HIP1: variants seen among roughly 807,000 people sequenced by gnomAD.
HIP1 encodes the protein huntingtin interacting protein 1.
In HIP1, 65 loss-of-function variants were observed where a neutral mutation model predicts 147.6. The ratio of observed to expected loss-of-function variants is 0.44; its 90% confidence interval spans 0.36 to 0.54. The LOEUF (loss-of-function observed/expected upper bound fraction) is 0.54. Among genes scored for constraint, HIP1 ranks in the 20% least tolerant of loss-of-function variants. HIP1 has a pLI of 0.00. For synonymous variants in HIP1, 479 were observed against 504.0 expected (o/e 0.95, Z 0.67); for missense variants, 1,061 against 1,299.6 (o/e 0.82, Z 2.82).
intron 8 of HIP1, among the ~76,000 whole-genome samples, chr7:75,570,690 T>G (rs1289211911): frequency 2.6e-5 from 4 of 151,882 alleles, no homozygotes; most frequent in Admixed American, 6.6e-5. Flanking sequence ...TCTGTAGATC[T>G]AAAACAAAAA....
intron 1 of HIP1, among the ~76,000 whole-genome samples, chr7:75,614,971 C>A (rs1415014194): frequency 6.6e-6 from 1 of 152,042 alleles, no homozygotes; most frequent in Non-Finnish European, 1.5e-5. Flanking sequence ...CGGGGTTTCA[C>A]CATGTTGGCC....
chr7:75,543,125 C>A, intron 27 of HIP1, 151 bp from the exon 28 acceptor site: 2 of 694,438 alleles, frequency 2.9e-6, no homozygotes, highest in East Asian at 6.0e-5. Flanking sequence ...TAGTCAGCTC[C>A]TGACATATCT....
chr7:75,587,028 C>T (rs1171813200), intron 4 of HIP1, among the ~76,000 whole-genome samples, 195 bp from the exon 5 acceptor site: 2 of 152,082 alleles, frequency 1.3e-5, no homozygotes, highest in South Asian at 2.1e-4. Flanking sequence ...GCAGCCTCCA[C>T]CTCCTGGGTT....
intron 1 of HIP1, among the ~76,000 whole-genome samples, chr7:75,620,011 C>A (rs587643228): frequency 8.5e-5 from 13 of 152,326 alleles, no homozygotes; most frequent in African/African-American, 3.1e-4. Context: ...ACTCAGGGAA[C>A]AACTGCTCTG....
intron 1 of HIP1, among the ~76,000 whole-genome samples, chr7:75,688,530 G>A (rs1800342728): frequency 6.6e-6 from 1 of 152,078 alleles, no homozygotes; most frequent in African/African-American, 2.4e-5. Flanking sequence ...CGCACTAAGG[G>A]GAGATCTGCT....
chr7:75,565,434 T>C (rs1795367047), intron 9 of HIP1, among the ~76,000 whole-genome samples: 1 of 152,196 alleles, frequency 6.6e-6, no homozygotes, highest in Admixed American at 6.5e-5. Flanking sequence ...AGGGCCTGTC[T>C]CCTTGGACTA....
chr7:75,573,537 AC>A (rs1242158376), intron 8 of HIP1, among the ~76,000 whole-genome samples: 3 of 152,202 alleles, frequency 2.0e-5, no homozygotes, highest in African/African-American at 7.2e-5. Context: ...AGATCCTGTA[AC>A]ACTGGGACGC....
At chr7:75,730,960 C>A (rs1465837242) in intron 1 of HIP1, among the ~76,000 whole-genome samples, 2 of 151,038 alleles carry the variant, frequency 1.3e-5, no homozygotes, top group South Asian at 4.2e-4. Context: ...GTCTCGAACT[C>A]CTGGCCTCAA....
intron 1 of HIP1, among the ~76,000 whole-genome samples, chr7:75,699,335 A>G (rs1554519014): frequency 2.0e-5 from 3 of 152,138 alleles, no homozygotes; most frequent in Admixed American, 2.0e-4. Context: ...TATACTCTTG[A>G]TTTTTATATA....
chr7:75,719,247 A>G (rs1413411184), intron 1 of HIP1, among the ~76,000 whole-genome samples: 3 of 152,008 alleles, frequency 2.0e-5, no homozygotes, highest in East Asian at 1.9e-4. Context: ...GCTCATGCTT[A>G]TAATCCCAGC....
At chr7:75,560,208 T>C (rs1431722599) in intron 13 of HIP1, among the ~76,000 whole-genome samples, 1 of 151,678 alleles carries the variant, frequency 6.6e-6, no homozygotes, top group African/African-American at 2.4e-5. Flanking sequence ...GTTGTTAATA[T>C]AGCACCAACA....
At chr7:75,547,236 C>A (rs1479218055) in intron 24 of HIP1, among the ~76,000 whole-genome samples, 1 of 152,192 alleles carries the variant, frequency 6.6e-6, no homozygotes, top group East Asian at 1.9e-4. Flanking sequence ...GGGTCTCCAT[C>A]GTAAGGAATA....
At chr7:75,721,382 A>G (rs782150219) in intron 1 of HIP1, among the ~76,000 whole-genome samples, 9 of 151,958 alleles carry the variant, frequency 5.9e-5, no homozygotes, top group Admixed American at 2.0e-4. Flanking sequence ...TAAAAAAAAA[A>G]TTAGCTGGGC....
Position 75,648,007 on chromosome 7 carries a change from C to T in HIP1, c.121-48760G>A, listed in dbSNP as rs187213910. ...GAGTTCCAGCTAGACCCCTTAGGCC[C>T]TCCTGTGTAGGCCACAGAAAGACAG... is the stretch of plus-strand genomic sequence containing the variant. On this transcript the variant is annotated intron_variant, in intron 1 of 30. Transcript: ENST00000336926. 6.6e-5 allele frequency among the ~76,000 whole-genome samples: 10 copies of T among 152,336 alleles called. No homozygotes were observed. In the East Asian group the frequency reaches 1.9e-3, roughly 29 times the overall value.
rs192652052 is a variant in HIP1 at position 75,736,305 on chromosome 7, T to A, written c.120+2496A>T. ...TCACAAACCTAATTTCTATCACTATTATGGGTCAAAGTCTTACGCATATTT... is the reference window on the plus strand; with the variant it reads ...TCACAAACCTAATTTCTATCACTATAATGGGTCAAAGTCTTACGCATATTT... On this transcript the variant is annotated intron_variant, in intron 1 of 30. Coordinates refer to ENST00000336926, the MANE Select transcript of HIP1 (RefSeq NM_005338.7). 2.1e-3 allele frequency among the ~76,000 whole-genome samples: 323 copies of A among 152,206 alleles called. 2 individuals carry two copies. The highest frequency in any genetic ancestry group is 7.4e-3 in the African/African-American group (306 of 41,538).
chr7:75,687,460 G>A (rs1262742744), intron 1 of HIP1, among the ~76,000 whole-genome samples: 1 of 152,226 alleles, frequency 6.6e-6, no homozygotes, highest in Non-Finnish European at 1.5e-5. Context: ...GGGAGGCCAA[G>A]GCGGGAGGAT....
intron 1 of HIP1, among the ~76,000 whole-genome samples, chr7:75,605,508 G>A (rs957435662): frequency 6.6e-6 from 1 of 152,126 alleles, no homozygotes; most frequent in Admixed American, 6.6e-5. Context: ...GCCTGGAGGT[G>A]AGAATTCAGG....
At position 75,568,880 on chromosome 7, in the gene HIP1, G is replaced by A. The variant is rs1554496043; in HGVS notation, c.746-624C>T. On this transcript the variant is annotated intron_variant, in intron 8 of 30. Transcript: ENST00000336926. This position sits in a 1 kb window ranked among gnomAD's most constrained non-coding sequence, Gnocchi z 4.1. Reference sequence around the variant, plus strand: ...AGAAATTAGCCGGGCGCGGTGGCATGCGCCTGTAATCCCAGCTACTTGGGA... The same window carrying A: ...AGAAATTAGCCGGGCGCGGTGGCATACGCCTGTAATCCCAGCTACTTGGGA... Among the ~76,000 whole-genome samples the A allele has an allele frequency of 1.3e-5, 2 of 152,130 alleles. No individual in the cohort carries two copies. Among genetic ancestry groups the A allele is most frequent in the African/African-American group, 4.8e-5 (2 of 41,412 alleles).
At chr7:75,583,679 T>C (rs1783716844) in intron 5 of HIP1, among the ~76,000 whole-genome samples, 1 of 150,548 alleles carries the variant, frequency 6.6e-6, no homozygotes, top group Non-Finnish European at 1.5e-5. Flanking sequence ...AGCCTCGAAT[T>C]CCTGGGCTCA....
Sources: allele counts gnomAD v4.1 joint callset (sites outside exome capture counted in the v4.1 genomes callset), GRCh38; gene constraint gnomAD v4.1.1; non-coding constraint Gnocchi (gnomAD v3.1); transcripts MANE v1.5; gene names NCBI Gene and HGNC (gene_info 2026-07-23, HGNC 2026-07-21).